The following NKAIN3 variants were observed in gnomAD, a reference collection of about 807,000 sequenced individuals.
The protein encoded by NKAIN3 is sodium/potassium transporting ATPase interacting 3, also known as sodium/potassium-transporting ATPase subunit beta-1-interacting protein 3.
A neutral mutation model predicts 30.2 loss-of-function variants in NKAIN3; 25 were observed. The ratio of observed to expected loss-of-function variants is 0.83; its 90% CI spans 0.60 to 1.16. The LOEUF (loss-of-function observed/expected upper bound fraction) is 1.16. NKAIN3 is among the 50% of genes most tolerant of loss of function. The pLI, the probability that NKAIN3 is intolerant of heterozygous loss-of-function variation, is 0.00. For synonymous variants in NKAIN3, 91 were observed against 89.6 expected, an observed-to-expected ratio of 1.02 and a Z score of -0.09; for missense variants, 225 against 254.1, an observed-to-expected ratio of 0.89 and a Z score of 0.78.
At chr8:62,401,525 C>T (rs1055410349) in intron 1 of NKAIN3, among the ~76,000 whole-genome samples, 1 of 152,050 alleles carries the variant, frequency 6.6e-6, no homozygotes, top group South Asian at 2.1e-4. Flanking sequence ...AAGAGTTAGG[C>T]ATTTATAGTA....
intron 4 of NKAIN3, among the ~76,000 whole-genome samples, chr8:62,833,079 T>C (rs1333173682): frequency 6.6e-6 from 1 of 152,020 alleles, no homozygotes; most frequent in Non-Finnish European, 1.5e-5. Flanking sequence ...AACAACTTGC[T>C]CCCGAATAAC....
chr8:62,754,610 G>T (rs992451301), intron 4 of NKAIN3, among the ~76,000 whole-genome samples: 4 of 152,110 alleles, frequency 2.6e-5, no homozygotes, highest in Non-Finnish European at 5.9e-5. Context: ...GTCGGAGCTG[G>T]GGTCCTATGA....
chr8:62,591,904 T>C (rs940769160), intron 3 of NKAIN3, among the ~76,000 whole-genome samples: 1 of 152,042 alleles, frequency 6.6e-6, no homozygotes, highest in Non-Finnish European at 1.5e-5. Flanking sequence ...TTTTCCAGGT[T>C]CGTTCCATTG....
intron 3 of NKAIN3, among the ~76,000 whole-genome samples, chr8:62,668,027 A>G (rs976169252): frequency 1.3e-5 from 2 of 152,016 alleles, no homozygotes; most frequent in African/African-American, 4.8e-5. Context: ...TTGGGCTCCA[A>G]CATTCTCTTC....
At chr8:62,997,311 T>C (rs779212039) in intron 5 of NKAIN3, among the ~76,000 whole-genome samples, 4 of 151,642 alleles carry the variant, frequency 2.6e-5, no homozygotes, top group Admixed American at 6.6e-5. Flanking sequence ...ATAATGGGAG[T>C]GTATTTGGAT....
rs779357016 is a variant in NKAIN3 at position 62,358,505 on chromosome 8, C to A, written c.54+109378C>A. On this transcript the variant is annotated intron_variant, in intron 1 of 6. Coordinates refer to ENST00000623646, the MANE Select transcript of NKAIN3 (RefSeq NM_001304533.3). ...TGAGTTCCCATTTGCATTTTTTATGCATTAGTTCAAAAAATTAAACATTTC... is the reference window on the plus strand; with the variant it reads ...TGAGTTCCCATTTGCATTTTTTATGAATTAGTTCAAAAAATTAAACATTTC... Among the ~76,000 whole-genome samples the A allele has an allele frequency of 2.6e-5, 4 of 152,078 alleles. No homozygotes were observed. The East Asian group carries it at 7.7e-4, about 29-fold the overall frequency.
intron 1 of NKAIN3, among the ~76,000 whole-genome samples, chr8:62,404,845 A>G (rs780697423): frequency 2.0e-5 from 3 of 152,040 alleles, no homozygotes; most frequent in Non-Finnish European, 4.4e-5. Context: ...TGGCCACCAT[A>G]GCTGAGAATG....
At chr8:62,451,712 C>A (rs1465131171) in intron 1 of NKAIN3, among the ~76,000 whole-genome samples, 1 of 152,104 alleles carries the variant, frequency 6.6e-6, no homozygotes, top group Non-Finnish European at 1.5e-5. Flanking sequence ...TCTTAATTAT[C>A]AAAGAGTTTT....
chr8:62,438,827 T>G (rs916566755), intron 1 of NKAIN3, among the ~76,000 whole-genome samples: 8 of 151,958 alleles, frequency 5.3e-5, no homozygotes, highest in African/African-American at 1.9e-4. Context: ...CCTCCCAGAG[T>G]GTTGGGATTA....
rs540305026 is a variant in NKAIN3, at chr8:62,905,362, G to T, written c.472-13091G>T. On this transcript the variant is annotated intron_variant, in intron 4 of 6. Coordinates refer to ENST00000623646, the MANE Select transcript of NKAIN3 (RefSeq NM_001304533.3). ...AGCAAGTGCATATGCATTTGCACCA[G>T]TGAAACAATCTTTGTTACTGAGTAC... 7.9e-4 allele frequency among the ~76,000 whole-genome samples: 120 copies of T among 152,268 alleles called. 1 individual carries two copies. Among genetic ancestry groups the T allele is most frequent in the African/African-American group, 2.6e-3 (109 of 41,548 alleles).
intron 1 of NKAIN3, among the ~76,000 whole-genome samples, chr8:62,477,804 C>T (rs1028923843): frequency 2.0e-5 from 3 of 152,174 alleles, no homozygotes; most frequent in Non-Finnish European, 2.9e-5. Context: ...AGAGGATTGA[C>T]ATTCTGGGAC....
intron 5 of NKAIN3, among the ~76,000 whole-genome samples, chr8:62,942,225 CATATATATACACATATATAT>C (rs1563638396): frequency 0.034 from 1,783 of 51,684 alleles, 41 homozygotes; most frequent in African/African-American, 0.14. Flanking sequence ...CATATATATA[CATATATATACACATATATAT>C]ACATATATAT....
intron 4 of NKAIN3, among the ~76,000 whole-genome samples, chr8:62,859,319 AC>A (rs1264757038): frequency 6.6e-6 from 1 of 151,750 alleles, no homozygotes; most frequent in East Asian, 1.9e-4. Context: ...GTATCCACTC[AC>A]CCCAGTTCAT....
intron 4 of NKAIN3, among the ~76,000 whole-genome samples, chr8:62,827,710 T>C (rs1387224627): frequency 1.3e-5 from 2 of 152,076 alleles, no homozygotes; most frequent in Admixed American, 1.3e-4. Flanking sequence ...TTAAAACAAA[T>C]AAGAGTAGAC....
intron 1 of NKAIN3, among the ~76,000 whole-genome samples, chr8:62,461,073 A>G (rs963180989): frequency 6.6e-6 from 1 of 152,200 alleles, no homozygotes; most frequent in Non-Finnish European, 1.5e-5. Context: ...CCTTTGGTCA[A>G]TCTTGAGGCT....
Position 62,684,683 on chromosome 8 carries a change from A to G in NKAIN3, c.274-62249A>G, listed in dbSNP as rs1404622817. Among the ~76,000 whole-genome samples, 7 of 152,362 alleles carry G rather than the reference A, an allele frequency of 4.6e-5. No individual in the cohort carries two copies. In the South Asian group the frequency reaches 1.2e-3, roughly 27 times the overall value. ...CTACTATGTTGAAGCCCTAATCTCC[A>G]GTAGTTCAGAATTTGACTGTATTTA... On this transcript the variant is annotated intron_variant, in intron 3 of 6. Coordinates refer to ENST00000623646, the MANE Select transcript of NKAIN3 (RefSeq NM_001304533.3).
chr8:62,794,232 C>T (rs1430507234), intron 4 of NKAIN3, among the ~76,000 whole-genome samples: 1 of 152,152 alleles, frequency 6.6e-6, no homozygotes, highest in African/African-American at 2.4e-5. Flanking sequence ...TAATAAGTGG[C>T]ATCAAAATGA....
intron 4 of NKAIN3, among the ~76,000 whole-genome samples, chr8:62,801,451 C>T (rs961932229): frequency 3.3e-5 from 5 of 152,192 alleles, no homozygotes; most frequent in South Asian, 4.1e-4. Flanking sequence ...CAGCAGCATT[C>T]GCAGTTCATG....
At chr8:62,480,892 G>C (rs996812072) in intron 1 of NKAIN3, among the ~76,000 whole-genome samples, 3 of 152,082 alleles carry the variant, frequency 2.0e-5, no homozygotes, top group Admixed American at 2.0e-4. Flanking sequence ...GATCAGAATG[G>C]AGTCATTCTT....
Sources: allele counts gnomAD v4.1 joint callset (sites outside exome capture counted in the v4.1 genomes callset), GRCh38; gene constraint gnomAD v4.1.1; transcripts MANE v1.5; gene names NCBI Gene and HGNC (gene_info 2026-07-23, HGNC 2026-07-21).